RBPMS: variants seen among roughly 807,000 people sequenced by gnomAD.
The protein encoded by RBPMS is RNA binding protein, mRNA processing factor.
RBPMS carries 7 observed loss-of-function variants against 26.8 expected under a neutral mutation model. The observed-to-expected ratio is 0.26, with a 90% CI of 0.15 to 0.49. RBPMS has a LOEUF of 0.49. RBPMS is among the 20% of genes least tolerant of loss of function. RBPMS has a pLI of 0.98. For missense variants in RBPMS, 186 were observed against 250.0 expected (o/e 0.74, Z 1.73); for synonymous variants, 96 against 93.3 (o/e 1.03, Z -0.17).
chr8:30,447,187 C>T (rs1422803012), intron 1 of RBPMS, among the ~76,000 whole-genome samples: 1 of 152,068 alleles, frequency 6.6e-6, no homozygotes, highest in Non-Finnish European at 1.5e-5. Context: ...TTTTTGTCTA[C>T]TGACATGATG....
At chr8:30,563,029 C>A (rs915665742) in intron 7 of RBPMS, among the ~76,000 whole-genome samples, 1 of 152,198 alleles carries the variant, frequency 6.6e-6, no homozygotes, top group East Asian at 1.9e-4. Flanking sequence ...AGCTTAAGTT[C>A]TAATGGCAGA....
chr8:30,453,168 TTAAA>T (rs1814792992), intron 1 of RBPMS, among the ~76,000 whole-genome samples: 1 of 152,198 alleles, frequency 6.6e-6, no homozygotes. Context: ...ATTCTTCACT[TTAAA>T]TAGCCATCAT....
At chr8:30,407,951 A>G (rs1808844431) in intron 1 of RBPMS, among the ~76,000 whole-genome samples, 1 of 150,584 alleles carries the variant, frequency 6.6e-6, no homozygotes, top group Admixed American at 6.7e-5. Flanking sequence ...TTAGGCCCAT[A>G]TCTCTCAGGA....
At chr8:30,517,754 T>C (rs181483842) in intron 5 of RBPMS, among the ~76,000 whole-genome samples, 2 of 152,202 alleles carry the variant, frequency 1.3e-5, no homozygotes, top group African/African-American at 4.8e-5. Context: ...AGACAATGCT[T>C]GTGCAACTGA....
At chr8:30,550,329 T>A (rs1399217428) in intron 6 of RBPMS, among the ~76,000 whole-genome samples, 1 of 152,188 alleles carries the variant, frequency 6.6e-6, no homozygotes, top group Non-Finnish European at 1.5e-5. Flanking sequence ...TTGAGCAAGT[T>A]TCTTAACCTC....
At chr8:30,560,441 C>T (rs1033788934) in intron 7 of RBPMS, among the ~76,000 whole-genome samples, 1 of 152,146 alleles carries the variant, frequency 6.6e-6, no homozygotes, top group African/African-American at 2.4e-5. Flanking sequence ...CCAGCAGCCA[C>T]CTGGCCATTC....
intron 1 of RBPMS, among the ~76,000 whole-genome samples, chr8:30,420,090 T>C (rs1810579197): frequency 6.6e-6 from 1 of 152,012 alleles, no homozygotes; most frequent in African/African-American, 2.4e-5. Flanking sequence ...TAACTGGACA[T>C]GGTGATGTGT....
intron 6 of RBPMS, chr8:30,549,519 TGAG>T: frequency 6.2e-7 from 1 of 1,614,094 alleles, no homozygotes; most frequent in South Asian, 1.1e-5. Context: ...GGTCAGACTG[TGAG>T]GAGAAGCCAC....
At chr8:30,490,639 T>C (rs1313857404) in intron 4 of RBPMS, among the ~76,000 whole-genome samples, 5 of 152,164 alleles carry the variant, frequency 3.3e-5, no homozygotes, top group Non-Finnish European at 7.4e-5. Context: ...TTTTGTATAT[T>C]TGGTAGAGAC....
At chr8:30,392,924 A>G (rs1268470794) in intron 1 of RBPMS, among the ~76,000 whole-genome samples, 1 of 152,210 alleles carries the variant, frequency 6.6e-6, no homozygotes, top group South Asian at 2.1e-4. Context: ...ATTCAAGAAC[A>G]TAGAGCTGAT....
At chr8:30,522,538 C>T (rs1444244764) in intron 5 of RBPMS, among the ~76,000 whole-genome samples, 1 of 152,052 alleles carries the variant, frequency 6.6e-6, no homozygotes, top group Admixed American at 6.6e-5. Context: ...TAATGTTGTA[C>T]ACCATAAATA....
At chr8:30,444,232 C>G (rs1813471526) in intron 1 of RBPMS, among the ~76,000 whole-genome samples, 1 of 152,182 alleles carries the variant, frequency 6.6e-6, no homozygotes, top group Non-Finnish European at 1.5e-5. Context: ...GTACATAACC[C>G]ATAGGTAACA....
At chr8:30,540,621 G>C (rs759629624) in intron 5 of RBPMS, among the ~76,000 whole-genome samples, 3 of 152,030 alleles carry the variant, frequency 2.0e-5, no homozygotes, top group Non-Finnish European at 4.4e-5. Context: ...ACGGGGTCTC[G>C]CTATGTTGCC....
chr8:30,555,398 G>C (rs9297248), intron 6 of RBPMS, among the ~76,000 whole-genome samples: 5,776 of 152,294 alleles, frequency 0.038, 375 homozygotes, highest in African/African-American at 0.13. Context: ...CGTTGCCTTA[G>C]ATGTCACAGG....
At chr8:30,544,783 G>A in intron 6 of RBPMS, 159 bp downstream of exon 6, 1 of 1,585,968 alleles carries the variant, frequency 6.3e-7, no homozygotes, top group South Asian at 1.1e-5. Flanking sequence ...ACTCCTTCAG[G>A]ACTGACGAGG....
At chr8:30,546,347 C>G (rs1825866777) in intron 6 of RBPMS, among the ~76,000 whole-genome samples, 1 of 152,234 alleles carries the variant, frequency 6.6e-6, no homozygotes, top group African/African-American at 2.4e-5. Flanking sequence ...GAGTTGACAA[C>G]AGCCAGAAAG....
At chr8:30,556,215 C>T (rs1375474585) in intron 6 of RBPMS, 2 of 985,294 alleles carry the variant, frequency 2.0e-6, no homozygotes, top group Non-Finnish European at 1.2e-6. Context: ...GAGCAGCCAC[C>T]TATTGCATCA....
intron 5 of RBPMS, among the ~76,000 whole-genome samples, chr8:30,531,983 A>AT (rs1393047409): frequency 6.6e-6 from 1 of 152,138 alleles, no homozygotes; most frequent in East Asian, 1.9e-4. Context: ...AGTTAAGTAG[A>AT]TTTTTTTGAG....
At chr8:30,411,927 A>G (rs1336560634) in intron 1 of RBPMS, among the ~76,000 whole-genome samples, 1 of 151,048 alleles carries the variant, frequency 6.6e-6, no homozygotes, top group Non-Finnish European at 1.5e-5. Context: ...CGGAGGTTGC[A>G]GTGAACCGAG....
Sources: allele counts gnomAD v4.1 joint callset (sites outside exome capture counted in the v4.1 genomes callset), GRCh38; gene constraint gnomAD v4.1.1; transcripts MANE v1.5; gene names NCBI Gene and HGNC (gene_info 2026-07-23, HGNC 2026-07-21).